Variants in RASAL1 observed in about 807,000 individuals in gnomAD.
RASAL1 encodes RAS protein activator like 1.
A neutral mutation model predicts 96.6 loss-of-function variants in RASAL1; 72 were observed. The observed-to-expected ratio is 0.75, with a 90% confidence interval of 0.62 to 0.91. The LOEUF is 0.91. Ranked by LOEUF, RASAL1 falls within the 40% of genes least tolerant of loss-of-function variation. RASAL1 has a pLI of 0.00. For synonymous variants in RASAL1, 405 were observed against 430.4 expected (o/e 0.94, Z 0.73); for missense variants, 1,016 against 1,072.5 (o/e 0.95, Z 0.74).
At chr12:113,103,348 G>C (rs1439430448) in intron 18 of RASAL1, among the ~76,000 whole-genome samples, 1 of 152,060 alleles carries the variant, frequency 6.6e-6, no homozygotes, top group African/African-American at 2.4e-5. Context: ...GCTCAGGCCT[G>C]TAATCCCAAC....
At chr12:113,132,158 A>G (rs1227111549) in intron 1 of RASAL1, among the ~76,000 whole-genome samples, 1 of 151,904 alleles carries the variant, frequency 6.6e-6, no homozygotes, top group Non-Finnish European at 1.5e-5. Context: ...TTTTTAGTAG[A>G]GACAGGGTTT....
chr12:113,116,097 C>T (rs377187984), intron 8 of RASAL1, 46 bp from the exon 9 acceptor site: 39 of 1,475,214 alleles, frequency 2.6e-5, no homozygotes, highest in East Asian at 4.7e-5. Context: ...TGGCCGAACA[C>T]GATGGCTCAC....
intron 8 of RASAL1, among the ~76,000 whole-genome samples, chr12:113,116,464 T>C (rs1215619795): frequency 2.6e-5 from 4 of 151,322 alleles, no homozygotes; most frequent in African/African-American, 9.7e-5. Flanking sequence ...TGGGAACACA[T>C]GGGAGGAGGG....
At chr12:113,102,474 C>T (rs1176751596) in intron 18 of RASAL1, among the ~76,000 whole-genome samples, 1 of 152,200 alleles carries the variant, frequency 6.6e-6, no homozygotes, top group East Asian at 1.9e-4. Flanking sequence ...AGGAGAATCT[C>T]TTGAACCTGG....
At chr12:113,109,765 T>TCCCCTCCATCTGGAGCCCTGAACTGTC (rs1254190130) in intron 13 of RASAL1, among the ~76,000 whole-genome samples, 3 of 152,072 alleles carry the variant, frequency 2.0e-5, no homozygotes, top group Non-Finnish European at 2.9e-5. Flanking sequence ...GGGAGCATCT[T>TCCCCTCCATCTGGAGCCCTGAACTGTC]CCCCTCCATC....
Position 113,105,839 on chromosome 12 carries a change from G to A in RASAL1, c.1705C>T (p.Arg569Ter), listed in dbSNP as rs61740514. 14 of 1,614,072 alleles carry A rather than the reference G, an allele frequency of 8.7e-6. No individual in the cohort carries two copies. Among genetic ancestry groups the A allele is most frequent in the East Asian group, 2.2e-5 (1 of 44,892 alleles). The change falls in exon 16 of 21, where the codon CGA (arginine) becomes TGA (stop). Residue 569 changes from arginine to a stop codon, truncating the protein, a stop_gained. Coordinates refer to ENST00000548055, the MANE Select transcript of RASAL1 (RefSeq NM_001301202.2). LOFTEE classifies it high-confidence loss of function. ...TTGCGCTTCAGCAGATAGCCTTCTC[G>A]AACAATGGCCGAGGGCGGGAACAGG... ...RALFPPSAIV[R>*]EGYLLKRKEE...
intron 18 of RASAL1, chr12:113,102,863 C>G (rs1950499821): frequency 6.4e-6 from 1 of 156,090 alleles, no homozygotes; most frequent in Admixed American, 6.5e-5. Context: ...TCACACAGAC[C>G]CTTTTCCATC....
rs1234971657 is a variant in RASAL1, at chr12:113,129,058, T to C, written c.123-880A>G. On this transcript the variant is annotated intron_variant, in intron 2 of 20. Transcript: ENST00000548055. This position sits in a 1 kb window ranked among gnomAD's most constrained non-coding sequence, Gnocchi z 5.0. ...ACTCCATAAACATTCACTTGGACTATGGGCCCAGCCTGTGCTGGGCTCCAG... is the reference window on the plus strand; with the variant it reads ...ACTCCATAAACATTCACTTGGACTACGGGCCCAGCCTGTGCTGGGCTCCAG... Among the ~76,000 whole-genome samples the C allele has an allele frequency of 2.0e-5, 3 of 152,122 alleles. No homozygotes were observed. Among genetic ancestry groups the C allele is most frequent in the Admixed American group, 6.5e-5 (1 of 15,280 alleles).
chr12:113,119,000 C>G (rs73207024), intron 7 of RASAL1, 128 bp downstream of exon 7: 163,733 of 1,218,774 alleles, frequency 0.13, 12,525 homozygotes, highest in Middle Eastern at 0.17. Flanking sequence ...CAGGCCTAAC[C>G]AGGGGAACCT....
chr12:113,118,051 C>T (rs11613119), intron 7 of RASAL1, among the ~76,000 whole-genome samples: 1 of 152,204 alleles, frequency 6.6e-6, no homozygotes, highest in Admixed American at 6.5e-5. Flanking sequence ...TGATGAAACC[C>T]TGTCTCTATT....
chr12:113,112,109 G>A lies in RASAL1; in HGVS notation c.1351C>T (p.Arg451Cys). ...FKQLHRRVEE[R>C]FPQAEHQDVK... ...ACCTGGTGCTCGGCCTGGGGGAAGC[G>A]CTCCTCCACTCGCCGGTGCAGCTGC... Residue 451 changes from arginine to cysteine, a missense_variant, in exon 13 of 21, where the codon CGC becomes TGC. Coordinates refer to ENST00000548055, the MANE Select transcript of RASAL1 (RefSeq NM_001301202.2). 1 of 1,244,778 alleles carries A rather than the reference G, an allele frequency of 8.0e-7. No homozygotes were observed. The highest frequency in any genetic ancestry group is 1.0e-6 in the Non-Finnish European group (1 of 990,010). The allele number at this position is 1,244,778 out of a possible 1,614,324, so 77.1% of individuals were successfully genotyped here.
At position 113,099,967 on chromosome 12, in the gene RASAL1, C is replaced by T; in HGVS notation, c.2380G>A (p.Glu794Lys). The stretch of plus-strand genomic sequence containing the variant: ...GGGCCCAGGGCCGCCTTCCCTCGCT[C>T]CTGCTGCTGGAACTCCTCGTGGGCA... ...DRAHEEFQQQ[E>K]RGKAALGPLG... is the part of the protein sequence containing the mutation. Residue 794 changes from glutamate to lysine, a missense_variant, in exon 21 of 21, where the codon GAG becomes AAG. By Grantham distance (56) the Glu-to-Lys change is moderately conservative. Coordinates refer to ENST00000548055, the MANE Select transcript of RASAL1 (RefSeq NM_001301202.2). 2 of 1,613,662 alleles carry T rather than the reference C, an allele frequency of 1.2e-6. No homozygotes were observed. Among genetic ancestry groups the T allele is most frequent in the Non-Finnish European group, 1.7e-6 (2 of 1,179,718 alleles).
intron 4 of RASAL1, among the ~76,000 whole-genome samples, chr12:113,124,072 G>T (rs535528016): frequency 3.3e-5 from 5 of 152,110 alleles, no homozygotes; most frequent in Non-Finnish European, 7.4e-5. Flanking sequence ...TACAAAAAAA[G>T]TTAGGCATGG....
chr12:113,127,893 T>A lies in RASAL1; in HGVS notation c.237-20A>T, dbSNP rs535399427. 3 of 1,611,978 alleles carry A rather than the reference T, an allele frequency of 1.9e-6. 1 individual carries two copies. The South Asian group carries it at 3.3e-5, about 18-fold the overall frequency. ...TCGTGCCTGCAGGAAGGCGGGCACG[T>A]GAAGGTCTGAGTCAGGGGCCCCTTT... is the stretch of plus-strand genomic sequence containing the variant. On this transcript the variant is annotated intron_variant, in intron 3 of 20. Transcript: ENST00000548055.
chr12:113,135,475 C>A lies in RASAL1; in HGVS notation c.-13G>T. On this transcript the variant is annotated 5_prime_UTR_variant, in exon 1 of 21. Transcript: ENST00000548055. This position sits in a 1 kb window ranked among gnomAD's most constrained non-coding sequence, Gnocchi z 5.7. ...TGCTCTTGGCCATGGCGCCTAGCCA[C>A]AAACTTTCCAGGCAGAAGGGCGCTC... 1 of 1,600,802 alleles carries A rather than the reference C, an allele frequency of 6.2e-7. No individual in the cohort carries two copies. Among genetic ancestry groups the A allele is most frequent in the African/African-American group, 1.3e-5 (1 of 74,660 alleles).
In RASAL1 at chr12:113,135,306, T is replaced by C; in HGVS notation, c.65+92A>G. ...CTTGGACAAGAACCCCTCGCCCTCC[T>C]GCCAACCCGCCCTGGCACGCGGAAA... On this transcript the variant is annotated intron_variant, in intron 1 of 20. Coordinates refer to ENST00000548055, the MANE Select transcript of RASAL1 (RefSeq NM_001301202.2). This position sits in a 1 kb window ranked among gnomAD's most constrained non-coding sequence, Gnocchi z 5.7. 1 of 1,280,324 alleles carries C rather than the reference T, an allele frequency of 7.8e-7. No individual in the cohort carries two copies. The highest frequency in any genetic ancestry group is 1.1e-6 in the Non-Finnish European group (1 of 912,634). The allele number at this position is 1,280,324 out of a possible 1,614,324, so 79.3% of individuals were successfully genotyped here.
intron 18 of RASAL1, 57 bp downstream of exon 18, chr12:113,103,889 C>A (rs1264431468): frequency 6.5e-7 from 1 of 1,539,976 alleles, no homozygotes; most frequent in Non-Finnish European, 8.7e-7. Flanking sequence ...GGAAGTGGGA[C>A]ACCCGCTGAT....
rs754631754 is a variant in RASAL1 at position 113,130,931 on chromosome 12, T to A, written c.76A>T (p.Ser26Cys). ...ALPAKDVSGS[S>C]DPYCLVKVDD... is the part of the protein sequence containing the mutation. Reference sequence around the variant, plus strand: ...ACTTTCACTAGGCAGTAGGGGTCGCTGCTCCCAGACCTGCAGAAGGAGGGA... The same window carrying A: ...ACTTTCACTAGGCAGTAGGGGTCGCAGCTCCCAGACCTGCAGAAGGAGGGA... Residue 26 changes from serine to cysteine, a missense_variant, in exon 2 of 21, where the codon AGC becomes TGC. Transcript: ENST00000548055. This position sits in a 1 kb window ranked among gnomAD's most constrained non-coding sequence, Gnocchi z 5.1. 6.2e-7 allele frequency: 1 copy of A among 1,613,490 alleles called. No individual in the cohort carries two copies. The highest frequency in any genetic ancestry group is 1.1e-5 in the South Asian group (1 of 91,030).
rs150845235 is a variant in RASAL1 at position 113,119,734 on chromosome 12, G to C, written c.429-291C>G. Among the ~76,000 whole-genome samples, 146 of 152,216 alleles carry C rather than the reference G, an allele frequency of 9.6e-4. 1 individual carries two copies. Among genetic ancestry groups the C allele is most frequent in the African/African-American group, 3.4e-3 (142 of 41,522 alleles). ...CAGCAAGTAGAAGTGCAGCAGGGAG[G>C]GGGAAAAGAGAGCCTCAGATTCTCT... On this transcript the variant is annotated intron_variant, in intron 5 of 20. Coordinates refer to ENST00000548055, the MANE Select transcript of RASAL1 (RefSeq NM_001301202.2).
Sources: allele counts gnomAD v4.1 joint callset (sites outside exome capture counted in the v4.1 genomes callset), GRCh38; gene constraint gnomAD v4.1.1; non-coding constraint Gnocchi (gnomAD v3.1); transcripts MANE v1.5; gene names NCBI Gene and HGNC (gene_info 2026-07-23, HGNC 2026-07-21).